KAZN: variants seen among roughly 807,000 people sequenced by gnomAD.
KAZN encodes kazrin, periplakin interacting protein.
A neutral mutation model predicts 87.4 loss-of-function variants in KAZN; 40 were observed. The ratio of observed to expected loss-of-function variants is 0.46; its 90% confidence interval spans 0.36 to 0.60. KAZN has a LOEUF of 0.60. KAZN is among the 20% of genes least tolerant of loss of function. The probability of loss-of-function intolerance (pLI) is 0.00; values close to 1 mark genes in which losing one functional copy is unlikely to be tolerated. For missense variants in KAZN, 898 were observed against 1,073.9 expected, an observed-to-expected ratio of 0.84 and a Z score of 2.29; for synonymous variants, 466 against 458.3, an observed-to-expected ratio of 1.02 and a Z score of -0.22.
chr1:14,284,959 G>A (rs554178159), intron 2 of KAZN, among the ~76,000 whole-genome samples: 41 of 152,300 alleles, frequency 2.7e-4, no homozygotes, highest in Non-Finnish European at 4.9e-4. Flanking sequence ...TGCCAAGTTA[G>A]CATTTGTTTT....
At chr1:14,189,947 G>A (rs1183559172) in intron 2 of KAZN, among the ~76,000 whole-genome samples, 1 of 152,082 alleles carries the variant, frequency 6.6e-6, no homozygotes, top group Non-Finnish European at 1.5e-5. Context: ...TGCTCTAGTT[G>A]GTCTATTTAG....
At chr1:14,052,088 C>T (rs541051868) in intron 1 of KAZN, among the ~76,000 whole-genome samples, 8 of 152,276 alleles carry the variant, frequency 5.3e-5, no homozygotes, top group South Asian at 2.1e-4. Flanking sequence ...AGAATACGCT[C>T]CTTGATTCAG....
chr1:14,774,653 T>C (rs1645124422), intron 1 of KAZN, among the ~76,000 whole-genome samples: 1 of 152,000 alleles, frequency 6.6e-6, no homozygotes, highest in Non-Finnish European at 1.5e-5. Flanking sequence ...TGTTAACATT[T>C]TAAAATTTTT....
chr1:15,050,019 AG>A (rs1674128243), intron 4 of KAZN, among the ~76,000 whole-genome samples: 1 of 138,548 alleles, frequency 7.2e-6, no homozygotes. Flanking sequence ...ACTCCATCAG[AG>A]TAGAGTAGGG....
chr1:14,509,228 C>T (rs552235639), intron 2 of KAZN, among the ~76,000 whole-genome samples: 7 of 152,310 alleles, frequency 4.6e-5, no homozygotes, highest in East Asian at 1.9e-4. Flanking sequence ...GTGGCTTACA[C>T]GTATCATTGC....
intron 2 of KAZN, among the ~76,000 whole-genome samples, chr1:14,275,444 CTGTGTGTGTGTGTGTG>C (rs60684981): frequency 0.052 from 7,091 of 136,954 alleles, 229 homozygotes; most frequent in Middle Eastern, 0.11. Flanking sequence ...GTGGTAAATA[CTGTGTGTGTGTGTGTG>C]TGTGTGTGTG....
rs535913729 is a variant in KAZN at position 14,298,082 on chromosome 1, G to A, written c.249+117490G>A. 1.5e-4 allele frequency among the ~76,000 whole-genome samples: 23 copies of A among 152,198 alleles called. No individual in the cohort carries two copies. In the South Asian group the frequency reaches 3.1e-3, roughly 21 times the overall value. ...TCTACAAAAAATACAAAAATTAGCC[G>A]GGTGTGGTGGCGCATGTCTGTAGTC... is the stretch of plus-strand genomic sequence containing the variant. On this transcript the variant is annotated intron_variant, in intron 2 of 16. Coordinates refer to the KAZN transcript ENST00000636203.
intron 2 of KAZN, among the ~76,000 whole-genome samples, chr1:14,517,574 G>A (rs1348556415): frequency 6.6e-6 from 1 of 152,218 alleles, no homozygotes; most frequent in African/African-American, 2.4e-5. Flanking sequence ...GTGACTCACA[G>A]CATGAGCTTA....
chr1:14,965,978 TTTTC>T lies in KAZN; in HGVS notation c.418+5107_418+5110del. On this transcript the variant is annotated intron_variant, in intron 2 of 14. Transcript: ENST00000376030. ...ACAGTTATCTTTTTCTTTCCTTTCCTTTTCTTTTTTTTTTTTTTTTTGAGATAGT... is the reference window on the plus strand; with the variant it reads ...ACAGTTATCTTTTTCTTTCCTTTCCTTTTTTTTTTTTTTTTTTGAGATAGT... 3.4e-5 allele frequency among the ~76,000 whole-genome samples: 4 copies of T among 116,206 alleles called. 1 individual carries two copies. In the Middle Eastern group the frequency reaches 0.013, roughly 389 times the overall value. The allele number at this position is 116,206 out of a possible 152,430, so 76.2% of individuals were successfully genotyped here.
chr1:14,403,958 T>C (rs979830934), intron 2 of KAZN, among the ~76,000 whole-genome samples: 1 of 151,954 alleles, frequency 6.6e-6, no homozygotes, highest in Non-Finnish European at 1.5e-5. Flanking sequence ...AGAAAATGGG[T>C]TGCCGCTTCT....
At chr1:14,410,853 G>A (rs1469257615) in intron 2 of KAZN, among the ~76,000 whole-genome samples, 1 of 152,196 alleles carries the variant, frequency 6.6e-6, no homozygotes, top group Non-Finnish European at 1.5e-5. Flanking sequence ...TTCTCCTCCA[G>A]AGCCTCCGGA....
At chr1:14,747,935 T>A (rs1557448833) in intron 1 of KAZN, among the ~76,000 whole-genome samples, 1 of 152,242 alleles carries the variant, frequency 6.6e-6, no homozygotes, top group Non-Finnish European at 1.5e-5. Flanking sequence ...ACATTTCTGT[T>A]TTGAGAATTG....
intron 1 of KAZN, among the ~76,000 whole-genome samples, chr1:14,712,920 G>A (rs958644688): frequency 1.3e-5 from 2 of 152,174 alleles, no homozygotes; most frequent in South Asian, 2.1e-4. Flanking sequence ...CTCGTGGTGC[G>A]AAGTATGCTC....
intron 1 of KAZN, among the ~76,000 whole-genome samples, chr1:14,941,901 C>T (rs149535628): frequency 6.6e-6 from 1 of 152,042 alleles, no homozygotes; most frequent in African/African-American, 2.4e-5. Flanking sequence ...CGGCATTGGT[C>T]TTTTGTTGGA....
intron 2 of KAZN, among the ~76,000 whole-genome samples, chr1:15,020,619 C>G (rs79892176): frequency 0.024 from 3,699 of 152,260 alleles, 156 homozygotes; most frequent in African/African-American, 0.085. Flanking sequence ...TCATTCTCAC[C>G]AGGTCAAGCC....
At chr1:14,261,238 T>TGAGACTCA (rs1650990241) in intron 2 of KAZN, among the ~76,000 whole-genome samples, 1 of 151,054 alleles carries the variant, frequency 6.6e-6, no homozygotes, top group Non-Finnish European at 1.5e-5. Flanking sequence ...ACTCAGTTAC[T>TGAGACTCA]GCAGCTGTAA....
intron 8 of KAZN, among the ~76,000 whole-genome samples, chr1:15,085,046 A>G (rs1266599238): frequency 2.0e-5 from 3 of 152,220 alleles, no homozygotes; most frequent in Admixed American, 2.0e-4. Context: ...CGTTTTAGAA[A>G]TGAAAAAAAT....
intron 1 of KAZN, among the ~76,000 whole-genome samples, chr1:14,897,078 C>G (rs1655359283): frequency 6.6e-6 from 1 of 152,230 alleles, no homozygotes; most frequent in Non-Finnish European, 1.5e-5. Context: ...AATCACGGCT[C>G]TATCTCCTTT....
intron 2 of KAZN, among the ~76,000 whole-genome samples, chr1:14,438,179 G>A (rs147582152): frequency 2.5e-4 from 38 of 152,006 alleles, no homozygotes; most frequent in Non-Finnish European, 3.8e-4. Context: ...GCCCTGGATG[G>A]TCTCTGAGCA....
Sources: allele counts gnomAD v4.1 joint callset (sites outside exome capture counted in the v4.1 genomes callset), GRCh38; gene constraint gnomAD v4.1.1; transcripts MANE v1.5; gene names NCBI Gene and HGNC (gene_info 2026-07-23, HGNC 2026-07-21).